OPHN1: variants seen among roughly 807,000 people sequenced by gnomAD.
OPHN1 encodes oligophrenin-1.
Under a neutral mutation model 60.7 loss-of-function variants are expected in OPHN1, and 11 were observed. The observed-to-expected ratio is 0.18, with a 90% CI of 0.11 to 0.30. The LOEUF (loss-of-function observed/expected upper bound fraction) is 0.30, where lower values mean the gene tolerates loss of function less well. OPHN1 is among the 10% of genes least tolerant of loss of function. The probability of loss-of-function intolerance (pLI) is 1.00; values close to 1 mark genes in which losing one functional copy is unlikely to be tolerated. For missense variants in OPHN1, 449 were observed against 611.0 expected (o/e 0.73, Z 2.80); for synonymous variants, 226 against 222.6 (o/e 1.02, Z -0.14).
At chrX:68,286,216 T>G (rs982505208) in intron 3 of OPHN1, among the ~76,000 whole-genome samples, 5 of 112,037 alleles carry the variant, frequency 4.5e-5, no homozygotes, top group Non-Finnish European at 9.4e-5. Flanking sequence ...ATTGGCTTCA[T>G]GGACTCATTC....
intron 15 of OPHN1, among the ~76,000 whole-genome samples, chrX:68,175,430 T>G: frequency 9.0e-6 from 1 of 111,085 alleles, no homozygotes; most frequent in Non-Finnish European, 1.9e-5. Context: ...ACAAGAATTT[T>G]TTTTCCTATT....
At chrX:68,280,041 G>A (rs1295554594) in intron 4 of OPHN1, among the ~76,000 whole-genome samples, 1 of 111,800 alleles carries the variant, frequency 8.9e-6, no homozygotes, top group Non-Finnish European at 1.9e-5. Flanking sequence ...AAACAACATA[G>A]GCAGCAGTCC....
chrX:68,377,184 C>A (rs929171926), intron 2 of OPHN1, among the ~76,000 whole-genome samples: 4 of 106,814 alleles, frequency 3.7e-5, no homozygotes, highest in African/African-American at 6.8e-5. Context: ...GTAAGCTCCA[C>A]CTCCCGGCTT....
chrX:68,227,771 T>C (rs1247613278), intron 6 of OPHN1, among the ~76,000 whole-genome samples: 1 of 109,731 alleles, frequency 9.1e-6, no homozygotes, highest in Non-Finnish European at 1.9e-5. Flanking sequence ...TAGAGGGAAA[T>C]TTATAGCACT....
intron 19 of OPHN1, among the ~76,000 whole-genome samples, chrX:68,087,225 G>A (rs1195817283): frequency 8.9e-6 from 1 of 112,268 alleles, no homozygotes; most frequent in African/African-American, 3.2e-5. Context: ...CTGGGCATAT[G>A]GTTGGCACTG....
intron 4 of OPHN1, among the ~76,000 whole-genome samples, chrX:68,282,778 A>G (rs1435502299): frequency 8.9e-6 from 1 of 111,863 alleles, no homozygotes; most frequent in Non-Finnish European, 1.9e-5. Flanking sequence ...ATTTCTGTCA[A>G]CATGTTCAAA....
intron 5 of OPHN1, among the ~76,000 whole-genome samples, chrX:68,249,961 C>A (rs7062944): frequency 0.35 from 38,302 of 111,002 alleles, 8,652 homozygotes; most frequent in African/African-American, 0.84. Flanking sequence ...ACTATAATGT[C>A]AGATTCACCT....
intron 15 of OPHN1, among the ~76,000 whole-genome samples, chrX:68,152,137 C>T (rs778260607): frequency 2.7e-5 from 3 of 111,280 alleles, no homozygotes; most frequent in Admixed American, 9.6e-5. Context: ...TCCCATGAGG[C>T]CCCACCTCCA....
chrX:68,345,247 T>G (rs1159726148), intron 2 of OPHN1, among the ~76,000 whole-genome samples: 1 of 111,887 alleles, frequency 8.9e-6, no homozygotes, highest in African/African-American at 3.2e-5. Context: ...CTTTCACACA[T>G]TGTGTAAACT....
chrX:68,279,716 C>T (rs377469555), intron 4 of OPHN1, among the ~76,000 whole-genome samples: 102 of 111,597 alleles, frequency 9.1e-4, no homozygotes, highest in African/African-American at 3.1e-3. Flanking sequence ...GTGAAAGGCA[C>T]TCATTAAGCC....
chrX:68,132,555 C>G (rs1276615701), intron 15 of OPHN1, among the ~76,000 whole-genome samples: 14 of 37,355 alleles, frequency 3.7e-4, no homozygotes, highest in African/African-American at 1.3e-3. Flanking sequence ...GTGGTGGGGT[C>G]GGGGGAGGGG....
intron 3 of OPHN1, among the ~76,000 whole-genome samples, chrX:68,290,322 G>A (rs2078064900): frequency 9.0e-6 from 1 of 111,121 alleles, no homozygotes; most frequent in African/African-American, 3.3e-5. Flanking sequence ...ATTAGGGCCA[G>A]GTGCTGTGGC....
chrX:68,111,207 C>T (rs768271930), intron 18 of OPHN1, among the ~76,000 whole-genome samples: 1 of 112,407 alleles, frequency 8.9e-6, no homozygotes, highest in South Asian at 3.7e-4. Flanking sequence ...CCCAGGTCTG[C>T]TGGCTCCTGG....
intron 23 of OPHN1, among the ~76,000 whole-genome samples, chrX:68,050,044 C>A (rs1344309094): frequency 8.9e-6 from 1 of 112,210 alleles, no homozygotes; most frequent in Non-Finnish European, 1.9e-5. Context: ...TTAAAAAGAT[C>A]ATCATTTTCA....
intron 21 of OPHN1, among the ~76,000 whole-genome samples, chrX:68,063,010 A>G (rs1035461632): frequency 1.3e-4 from 14 of 111,567 alleles, no homozygotes; most frequent in African/African-American, 4.6e-4. Context: ...GGAGAATGAG[A>G]AAACAAGGGT....
chrX:68,071,157 T>A, intron 20 of OPHN1: 1 of 745,982 alleles, frequency 1.3e-6, no homozygotes, highest in Non-Finnish European at 2.1e-6. Context: ...CCAGGAAGGG[T>A]CGCTATGGGC....
intron 6 of OPHN1, among the ~76,000 whole-genome samples, chrX:68,228,720 G>T (rs1300443415): frequency 1.8e-5 from 2 of 111,177 alleles, no homozygotes; most frequent in Non-Finnish European, 3.8e-5. Flanking sequence ...AGCCATTCAT[G>T]CTAAAAACTC....
At chrX:68,182,191 T>TG (rs1488837084) in intron 15 of OPHN1, among the ~76,000 whole-genome samples, 1 of 94,576 alleles carries the variant, frequency 1.1e-5, no homozygotes, top group Non-Finnish European at 2.1e-5. Context: ...CTCTGTAGTT[T>TG]TTTTTTTTTT....
At chrX:68,330,431 T>A (rs1860667954) in intron 2 of OPHN1, among the ~76,000 whole-genome samples, 1 of 111,837 alleles carries the variant, frequency 8.9e-6, no homozygotes, top group South Asian at 3.6e-4. Context: ...TGAAAAGGAT[T>A]TTCTAAGTTA....
Sources: allele counts gnomAD v4.1 joint callset (sites outside exome capture counted in the v4.1 genomes callset), GRCh38; gene constraint gnomAD v4.1.1; transcripts MANE v1.5; gene names NCBI Gene and HGNC (gene_info 2026-07-23, HGNC 2026-07-21).